Variants in CSNK1G1 observed in about 807,000 individuals in gnomAD.
CSNK1G1 encodes the protein casein kinase I isoform gamma-1.
CSNK1G1 carries 22 observed loss-of-function variants against 59.6 expected under a neutral mutation model. The observed-to-expected ratio is 0.37, with a 90% CI of 0.26 to 0.53. The LOEUF is 0.53. Ranked by LOEUF, CSNK1G1 falls within the 20% of genes least tolerant of loss-of-function variation. The pLI is 0.89. For synonymous variants in CSNK1G1, 179 were observed against 177.1 expected (o/e 1.01, Z -0.08); for missense variants, 384 against 519.5 (o/e 0.74, Z 2.54).
At chr15:64,337,728 AAC>A (rs1897464585) in intron 1 of CSNK1G1, among the ~76,000 whole-genome samples, 2 of 152,170 alleles carry the variant, frequency 1.3e-5, no homozygotes, top group South Asian at 4.1e-4. Flanking sequence ...AATATTGTGT[AAC>A]AGTCTCCAGT....
intron 2 of CSNK1G1, among the ~76,000 whole-genome samples, chr15:64,274,477 G>C (rs1043519850): frequency 6.6e-6 from 1 of 152,128 alleles, no homozygotes; most frequent in Admixed American, 6.5e-5. Flanking sequence ...GGACAGAAAA[G>C]TACCATTGAT....
intron 1 of CSNK1G1, among the ~76,000 whole-genome samples, chr15:64,354,929 C>T (rs1898558747): frequency 6.6e-6 from 1 of 152,172 alleles, no homozygotes; most frequent in South Asian, 2.1e-4. Flanking sequence ...AAGATTAAGA[C>T]ACAGGCTCAA....
chr15:64,189,377 A>T, intron 10 of CSNK1G1: 1 of 1,264,644 alleles, frequency 7.9e-7, no homozygotes, highest in Non-Finnish European at 1.0e-6. Flanking sequence ...GATCTTGCTC[A>T]TATGTGACTT....
At chr15:64,261,549 T>G (rs1403508406) in intron 2 of CSNK1G1, among the ~76,000 whole-genome samples, 1 of 151,406 alleles carries the variant, frequency 6.6e-6, no homozygotes, top group Non-Finnish European at 1.5e-5. Flanking sequence ...TGTGGTGAGC[T>G]GAGATCATGC....
chr15:64,275,752 G>T (rs568589731), intron 2 of CSNK1G1, among the ~76,000 whole-genome samples: 14 of 151,858 alleles, frequency 9.2e-5, no homozygotes, highest in South Asian at 8.3e-4. Flanking sequence ...ATTTTTTAAA[G>T]AAAAAATATA....
intron 2 of CSNK1G1, among the ~76,000 whole-genome samples, chr15:64,277,577 TATATTA>T (rs1334795369): frequency 3.6e-5 from 5 of 137,406 alleles, no homozygotes; most frequent in African/African-American, 7.6e-5. Context: ...ATATAATAAA[TATATTA>T]ATATTAATAT....
chr15:64,202,070 A>G (rs1466263125), intron 10 of CSNK1G1, among the ~76,000 whole-genome samples: 1 of 152,068 alleles, frequency 6.6e-6, no homozygotes, highest in Admixed American at 6.6e-5. Flanking sequence ...TGTTTGCCTT[A>G]TCTGTCTTTA....
intron 2 of CSNK1G1, among the ~76,000 whole-genome samples, chr15:64,277,077 G>A (rs1032623307): frequency 2.0e-5 from 3 of 152,042 alleles, no homozygotes; most frequent in African/African-American, 7.2e-5. Flanking sequence ...TTGATCATTA[G>A]ACAAAATAGT....
At chr15:64,302,059 A>G (rs1895376243) in intron 1 of CSNK1G1, among the ~76,000 whole-genome samples, 1 of 152,206 alleles carries the variant, frequency 6.6e-6, no homozygotes, top group African/African-American at 2.4e-5. Flanking sequence ...TGACTGTACA[A>G]GTGGGCACAT....
chr15:64,223,623 A>C (rs8032196), intron 4 of CSNK1G1, among the ~76,000 whole-genome samples: 29,284 of 152,166 alleles, frequency 0.19, 3,881 homozygotes, highest in African/African-American at 0.38. Flanking sequence ...ACTGAATTTT[A>C]CTTTTCTGAA....
intron 3 of CSNK1G1, among the ~76,000 whole-genome samples, chr15:64,255,797 G>T (rs1892343398): frequency 2.0e-5 from 3 of 152,166 alleles, no homozygotes; most frequent in African/African-American, 7.2e-5. Context: ...TTTCTCCGAA[G>T]TTGTCTAGTC....
At chr15:64,320,392 T>C (rs1896495741) in intron 1 of CSNK1G1, among the ~76,000 whole-genome samples, 1 of 151,866 alleles carries the variant, frequency 6.6e-6, no homozygotes, top group African/African-American at 2.4e-5. Context: ...CATATAAAAA[T>C]ATGGGGCCGG....
At chr15:64,206,468 G>C (rs146374140) in intron 7 of CSNK1G1, among the ~76,000 whole-genome samples, 1 of 151,638 alleles carries the variant, frequency 6.6e-6, no homozygotes, top group Non-Finnish European at 1.5e-5. Context: ...TTAGCTGGGC[G>C]TGGTGGCATG....
chr15:64,222,449 A>C (rs1314028640), intron 4 of CSNK1G1, among the ~76,000 whole-genome samples: 1 of 150,802 alleles, frequency 6.6e-6, no homozygotes, highest in Non-Finnish European at 1.5e-5. Flanking sequence ...AAAAAAAAAA[A>C]AAAAAAAAAA....
In CSNK1G1 at chr15:64,330,456, C is replaced by A. The variant is rs1305347542; in HGVS notation, c.-225+25532G>T. ...ATTATCTCAATAGATGCAGAAAAGGCCTTTGACAAAATTCAACAACCCTTC... is the reference window on the plus strand; with the variant it reads ...ATTATCTCAATAGATGCAGAAAAGGACTTTGACAAAATTCAACAACCCTTC... On this transcript the variant is annotated intron_variant, in intron 1 of 11. Coordinates refer to ENST00000303052, the MANE Select transcript of CSNK1G1 (RefSeq NM_022048.5). Among the ~76,000 whole-genome samples, 3 of 148,762 alleles carry A rather than the reference C, an allele frequency of 2.0e-5. No homozygotes were observed. In the East Asian group the frequency reaches 6.0e-4, roughly 30 times the overall value.
In CSNK1G1 at chr15:64,188,663, G is replaced by C. The variant is rs2081929735; in HGVS notation, c.1108-8209C>G. ...AGTAAGCTTGTCTACATTCATTTTA[G>C]CCTTAATGAGTCAATACATGAATCT... On this transcript the variant is annotated intron_variant, in intron 10 of 11. Coordinates refer to ENST00000303052, the MANE Select transcript of CSNK1G1 (RefSeq NM_022048.5). This position sits in a 1 kb window ranked among gnomAD's most constrained non-coding sequence, Gnocchi z 4.2. Among the ~76,000 whole-genome samples the C allele has an allele frequency of 6.6e-6, 1 of 152,106 alleles. No homozygotes were observed. Among genetic ancestry groups the C allele is most frequent in the African/African-American group, 2.4e-5 (1 of 41,416 alleles).
rs1157838518 is a variant in CSNK1G1, at chr15:64,168,017, A to G, written c.*3914T>C. The G allele has an allele frequency of 2.6e-5, 4 of 152,288 alleles. No individual in the cohort carries two copies. The highest frequency in any genetic ancestry group is 4.8e-5 in the African/African-American group (2 of 41,458). The allele number at this position is 152,288 out of a possible 1,614,324, so 9.4% of individuals were successfully genotyped here. ...TCAACACTGAATATGCACTACCAGCATATCTTCCCACTGAACTAAGTTTGG... is the reference window on the plus strand; with the variant it reads ...TCAACACTGAATATGCACTACCAGCGTATCTTCCCACTGAACTAAGTTTGG... On this transcript the variant is annotated 3_prime_UTR_variant, in exon 12 of 12. Coordinates refer to ENST00000303052, the MANE Select transcript of CSNK1G1 (RefSeq NM_022048.5).
intron 10 of CSNK1G1, among the ~76,000 whole-genome samples, chr15:64,197,893 A>G (rs957682970): frequency 1.3e-5 from 2 of 152,044 alleles, no homozygotes; most frequent in African/African-American, 2.4e-5. Context: ...CTCGCATCAT[A>G]TATTTTAGAA....
At chr15:64,323,409 A>G (rs1297256200) in intron 1 of CSNK1G1, among the ~76,000 whole-genome samples, 1 of 151,610 alleles carries the variant, frequency 6.6e-6, no homozygotes, top group African/African-American at 2.4e-5. Context: ...TTTGTTGCCC[A>G]GACTGGAGTG....
Sources: allele counts gnomAD v4.1 joint callset (sites outside exome capture counted in the v4.1 genomes callset), GRCh38; gene constraint gnomAD v4.1.1; non-coding constraint Gnocchi (gnomAD v3.1); transcripts MANE v1.5; gene names NCBI Gene and HGNC (gene_info 2026-07-23, HGNC 2026-07-21).